HMBOX1: variants seen among roughly 807,000 people sequenced by gnomAD.
The protein encoded by HMBOX1 is homeobox-containing protein 1.
A neutral mutation model predicts 54.5 loss-of-function variants in HMBOX1; 14 were observed. The ratio of observed to expected loss-of-function variants is 0.26; its 90% CI spans 0.17 to 0.40. The LOEUF (loss-of-function observed/expected upper bound fraction) is 0.40, where lower values mean the gene tolerates loss of function less well. Among genes scored for constraint, HMBOX1 ranks in the 10% least tolerant of loss-of-function variants. The pLI is 1.00. For synonymous variants in HMBOX1, 160 were observed against 181.0 expected (o/e 0.88, Z 0.93); for missense variants, 332 against 514.4 (o/e 0.65, Z 3.43).
chr8:28,929,486 T>A (rs907064762), intron 1 of HMBOX1, among the ~76,000 whole-genome samples: 3 of 152,118 alleles, frequency 2.0e-5, no homozygotes, highest in African/African-American at 7.2e-5. Flanking sequence ...CCAGAAATAT[T>A]TAGGATGTTA....
chr8:29,002,661 T>C, intron 4 of HMBOX1, among the ~76,000 whole-genome samples: 1 of 152,340 alleles, frequency 6.6e-6, no homozygotes, highest in Non-Finnish European at 1.5e-5. Flanking sequence ...GAACCTCATT[T>C]CTCTTATGGA....
rs575410441 is a variant in HMBOX1 at position 28,992,637 on chromosome 8, G to C, written c.586+12481G>C. Among the ~76,000 whole-genome samples the C allele has an allele frequency of 5.3e-5, 8 of 152,050 alleles. 1 individual carries two copies. The highest frequency in any genetic ancestry group is 4.4e-5 in the Non-Finnish European group (3 of 67,994). On this transcript the variant is annotated intron_variant, in intron 4 of 9. Coordinates refer to ENST00000287701, the MANE Select transcript of HMBOX1 (RefSeq NM_001135726.3). ...TGTAATCCCAGCACTCTGGGAATCC[G>C]AGTGGGGTGGATCACGAGGTCAGGA...
At chr8:28,930,344 G>A (rs1819277351) in intron 1 of HMBOX1, among the ~76,000 whole-genome samples, 1 of 152,038 alleles carries the variant, frequency 6.6e-6, no homozygotes, top group Non-Finnish European at 1.5e-5. Context: ...ACTTTAACCT[G>A]GGTCCTTTTT....
chr8:29,042,479 T>TTGGG (rs1804984059), intron 6 of HMBOX1, among the ~76,000 whole-genome samples: 2 of 151,702 alleles, frequency 1.3e-5, no homozygotes, highest in Non-Finnish European at 2.9e-5. Flanking sequence ...GGTAAGAGAG[T>TTGGG]GTAAAGTTTT....
chr8:28,906,839 G>A (rs1184835080), intron 1 of HMBOX1, among the ~76,000 whole-genome samples: 2 of 152,204 alleles, frequency 1.3e-5, no homozygotes, highest in East Asian at 1.9e-4. Context: ...TGATCTGCTG[G>A]CCTTGGCCTC....
intron 5 of HMBOX1, among the ~76,000 whole-genome samples, chr8:29,016,102 A>C (rs1296763995): frequency 6.6e-6 from 1 of 152,216 alleles, no homozygotes; most frequent in Non-Finnish European, 1.5e-5. Flanking sequence ...ATATAAAGAT[A>C]CTCAGTGATA....
At chr8:28,995,727 T>C (rs1234320287) in intron 4 of HMBOX1, among the ~76,000 whole-genome samples, 1 of 152,230 alleles carries the variant, frequency 6.6e-6, no homozygotes, top group African/African-American at 2.4e-5. Flanking sequence ...ATTTAGTGAG[T>C]AATGCACTTT....
chr8:28,910,510 G>A (rs553086802), intron 1 of HMBOX1, among the ~76,000 whole-genome samples: 139 of 152,270 alleles, frequency 9.1e-4, no homozygotes, highest in Non-Finnish European at 1.8e-3. Context: ...CACCAGCAAT[G>A]TATTAGAGTC....
At chr8:28,928,144 AAG>A (rs1818874113) in intron 1 of HMBOX1, among the ~76,000 whole-genome samples, 1 of 152,074 alleles carries the variant, frequency 6.6e-6, no homozygotes, top group Non-Finnish European at 1.5e-5. Flanking sequence ...AAAAAAAAAA[AAG>A]AACTACTACT....
At chr8:28,905,354 C>T (rs554533543) in intron 1 of HMBOX1, among the ~76,000 whole-genome samples, 16 of 151,976 alleles carry the variant, frequency 1.1e-4, no homozygotes, top group South Asian at 6.2e-4. Flanking sequence ...CACACACGCA[C>T]GCACACACAC....
At chr8:29,003,555 AATATATATATATAT>A (rs71222586) in intron 4 of HMBOX1, among the ~76,000 whole-genome samples, 2 of 71,312 alleles carry the variant, frequency 2.8e-5, no homozygotes, top group East Asian at 6.4e-4. Flanking sequence ...TTCTGTATTA[AATATATATATATAT>A]ATATATATGA....
chr8:28,983,063 A>G (rs75332653), intron 4 of HMBOX1, among the ~76,000 whole-genome samples: 1 of 152,258 alleles, frequency 6.6e-6, no homozygotes, highest in African/African-American at 2.4e-5. Flanking sequence ...ACATTTACAC[A>G]TTTATTATCT....
intron 6 of HMBOX1, among the ~76,000 whole-genome samples, chr8:29,034,933 C>A (rs983053394): frequency 6.6e-6 from 1 of 152,110 alleles, no homozygotes; most frequent in African/African-American, 2.4e-5. Context: ...TGACTCCCAC[C>A]TAAAACAGCA....
At chr8:28,981,352 TGTA>T (rs1328176798) in intron 4 of HMBOX1, among the ~76,000 whole-genome samples, 1 of 152,204 alleles carries the variant, frequency 6.6e-6, no homozygotes, top group Non-Finnish European at 1.5e-5. Flanking sequence ...GTTTAATTGT[TGTA>T]GTATTTAGGT....
At position 29,051,690 on chromosome 8, in the gene HMBOX1, CATT is replaced by C. The variant is rs373733278; in HGVS notation, c.*538_*540del. ...TTTCCAGCTGCAATAAGCCGTGCCT[CATT>C]ATAGCCACACTGTGGCTAGATTATA... On this transcript the variant is annotated 3_prime_UTR_variant, in exon 10 of 10. Coordinates refer to ENST00000287701, the MANE Select transcript of HMBOX1 (RefSeq NM_001135726.3). 4.7e-4 allele frequency: 327 copies of C among 693,844 alleles called. 1 individual carries two copies. In the African/African-American group the frequency reaches 4.9e-3, roughly 10 times the overall value. 43.0% of individuals were successfully genotyped at this position (693,844 alleles called of 1,614,324 possible). A position where few individuals can be genotyped will look rare whatever the true frequency, so the allele number is the denominator to read the frequency against.
At chr8:28,951,410 C>T (rs895620669) in intron 1 of HMBOX1, among the ~76,000 whole-genome samples, 5 of 152,142 alleles carry the variant, frequency 3.3e-5, no homozygotes, top group African/African-American at 7.2e-5. Flanking sequence ...GGATTACAGG[C>T]GTGAGCCACT....
intron 1 of HMBOX1, among the ~76,000 whole-genome samples, chr8:28,901,124 G>A (rs1216449359): frequency 6.6e-6 from 1 of 152,116 alleles, no homozygotes; most frequent in East Asian, 1.9e-4. Flanking sequence ...TAGAGTAGTG[G>A]TTGTTACACC....
intron 7 of HMBOX1, among the ~76,000 whole-genome samples, chr8:29,047,060 C>T (rs567729168): frequency 6.6e-6 from 1 of 152,316 alleles, no homozygotes; most frequent in Non-Finnish European, 1.5e-5. Context: ...GTCACATGGA[C>T]GTGGATCTGA....
intron 4 of HMBOX1, among the ~76,000 whole-genome samples, chr8:28,994,160 C>G (rs898405616): frequency 4.5e-5 from 6 of 132,168 alleles, no homozygotes; most frequent in African/African-American, 2.6e-5. Context: ...GAGCCAGACT[C>G]TCTCACCAAA....
Sources: gnomAD v4.1 joint callset for allele counts (sites outside exome capture counted in the v4.1 genomes callset) on GRCh38, gnomAD v4.1.1 for gene constraint, MANE v1.5 for transcripts, NCBI Gene and HGNC (gene_info 2026-07-23, HGNC 2026-07-21) for gene names.